Variants in DLG2 observed in about 807,000 individuals in gnomAD.
DLG2 encodes discs large MAGUK scaffold protein 2.
DLG2 carries 45 observed loss-of-function variants against 132.5 expected under a neutral mutation model. That is an observed-to-expected ratio of 0.34 (90% CI 0.27 to 0.44). The LOEUF (loss-of-function observed/expected upper bound fraction) is 0.44, where lower values mean the gene tolerates loss of function less well. Among genes scored for constraint, DLG2 ranks in the 20% least tolerant of loss-of-function variants. DLG2 has a pLI of 1.00. For synonymous variants in DLG2, 424 were observed against 419.6 expected, an observed-to-expected ratio of 1.01 and a Z score of -0.13; for missense variants, 1,045 against 1,196.9, an observed-to-expected ratio of 0.87 and a Z score of 1.87.
chr11:84,594,656 G>A (rs531134282), intron 6 of DLG2, among the ~76,000 whole-genome samples: 1 of 152,264 alleles, frequency 6.6e-6, no homozygotes, highest in African/African-American at 2.4e-5. Context: ...TAAATGGCAT[G>A]CAAAACAAAC....
chr11:84,209,932 A>G (rs2096729108), intron 8 of DLG2, among the ~76,000 whole-genome samples: 1 of 152,204 alleles, frequency 6.6e-6, no homozygotes. Flanking sequence ...TCTTCTTATA[A>G]CAGTTAAACA....
intron 18 of DLG2, among the ~76,000 whole-genome samples, chr11:83,756,496 C>G (rs150974433): frequency 1.6e-3 from 242 of 151,560 alleles, no homozygotes; most frequent in Non-Finnish European, 3.0e-3. Flanking sequence ...CAAGTCCTGG[C>G]TCTAAGGCCA....
intron 19 of DLG2, among the ~76,000 whole-genome samples, chr11:83,600,431 T>A (rs1326568915): frequency 6.6e-6 from 1 of 152,206 alleles, no homozygotes; most frequent in Non-Finnish European, 1.5e-5. Context: ...CATTCCTGAA[T>A]ATAAAAAATT....
At chr11:84,709,819 C>T (rs2060176762) in intron 6 of DLG2, among the ~76,000 whole-genome samples, 1 of 151,836 alleles carries the variant, frequency 6.6e-6, no homozygotes, top group African/African-American at 2.4e-5. Context: ...AGTGTTGGAC[C>T]ATAGAGATCA....
chr11:84,173,809 C>T (rs555327785), intron 8 of DLG2, among the ~76,000 whole-genome samples: 4 of 152,202 alleles, frequency 2.6e-5, no homozygotes, highest in African/African-American at 9.6e-5. Context: ...GGCTTTCATA[C>T]AGTATTTGGC....
At chr11:84,991,523 A>AAAAAAAAAAAAAAAG (rs1555331856) in intron 6 of DLG2, among the ~76,000 whole-genome samples, 2 of 116,328 alleles carry the variant, frequency 1.7e-5, no homozygotes, top group Non-Finnish European at 3.3e-5. Flanking sequence ...AAAAAAAAAA[A>AAAAAAAAAAAAAAAG]AAAGAAAGAA....
At chr11:83,541,559 A>G in intron 20 of DLG2, 123 bp downstream of exon 20, 1 of 894,948 alleles carries the variant, frequency 1.1e-6, no homozygotes, top group Non-Finnish European at 1.6e-6. Context: ...ATTTTCCTGC[A>G]GATTGACTAT....
intron 6 of DLG2, among the ~76,000 whole-genome samples, chr11:85,039,523 A>G (rs1241380167): frequency 2.6e-5 from 4 of 151,978 alleles, no homozygotes; most frequent in African/African-American, 7.2e-5. Flanking sequence ...CCTCATCTGT[A>G]CAAGGAGGAT....
At chr11:83,542,375 C>T (rs2096099934) in intron 19 of DLG2, among the ~76,000 whole-genome samples, 1 of 152,036 alleles carries the variant, frequency 6.6e-6, no homozygotes, top group Admixed American at 6.6e-5. Context: ...GGTGATTCCT[C>T]CACTCAATGA....
chr11:84,193,934 C>T (rs2096463534), intron 8 of DLG2, among the ~76,000 whole-genome samples: 2 of 152,152 alleles, frequency 1.3e-5, no homozygotes, highest in South Asian at 2.1e-4. Flanking sequence ...GAATCATCAA[C>T]ACATAGAGGA....
chr11:84,061,929 G>A (rs993826073), intron 10 of DLG2, among the ~76,000 whole-genome samples: 1 of 151,348 alleles, frequency 6.6e-6, no homozygotes, highest in Non-Finnish European at 1.5e-5. Flanking sequence ...CAGCTGCCCT[G>A]CAGCAGCTGG....
At chr11:85,503,953 G>C (rs1339843374) in intron 3 of DLG2, among the ~76,000 whole-genome samples, 1 of 151,102 alleles carries the variant, frequency 6.6e-6, no homozygotes, top group Admixed American at 6.6e-5. Flanking sequence ...GGAGGAGGAG[G>C]AGGGACAGTG....
chr11:84,388,795 C>T (rs574014044), intron 7 of DLG2, among the ~76,000 whole-genome samples: 22 of 152,128 alleles, frequency 1.4e-4, no homozygotes, highest in Non-Finnish European at 2.6e-4. Context: ...TTTATCTCTG[C>T]TACTAAAGAA....
At chr11:84,081,016 T>G (rs1468773983) in intron 10 of DLG2, among the ~76,000 whole-genome samples, 3 of 151,578 alleles carry the variant, frequency 2.0e-5, no homozygotes, top group African/African-American at 7.3e-5. Context: ...AAGGCATTTT[T>G]GCTTCTTTTT....
intron 3 of DLG2, among the ~76,000 whole-genome samples, chr11:85,456,976 T>C (rs1673533725): frequency 6.6e-6 from 1 of 152,188 alleles, no homozygotes; most frequent in South Asian, 2.1e-4. Flanking sequence ...GTTCAGGTCC[T>C]GAATATCTGT....
intron 18 of DLG2, among the ~76,000 whole-genome samples, chr11:83,657,830 G>T (rs758105827): frequency 6.6e-6 from 1 of 152,112 alleles, no homozygotes; most frequent in Non-Finnish European, 1.5e-5. Context: ...GTGAGCCACC[G>T]CGCCCAGCCT....
At chr11:85,528,763 T>C (rs566710971) in intron 3 of DLG2, among the ~76,000 whole-genome samples, 2 of 152,336 alleles carry the variant, frequency 1.3e-5, no homozygotes, top group Admixed American at 6.5e-5. Context: ...TTATCTGCTA[T>C]AGTTGTCTTG....
chr11:84,171,438 A>G lies in DLG2; in HGVS notation c.574-7927T>C, dbSNP rs775692478. ...CAAAGTCTCCAATGTTTATTATTCC[A>G]TACATTACATAGCTCCTACTTATAA... On this transcript the variant is annotated intron_variant, in intron 8 of 27. Coordinates refer to ENST00000376104, the MANE Select transcript of DLG2 (RefSeq NM_001142699.3). Among the ~76,000 whole-genome samples, 50 of 152,040 alleles carry G rather than the reference A, an allele frequency of 3.3e-4. 1 individual carries two copies. Among genetic ancestry groups the G allele is most frequent in the Non-Finnish European group, 5.9e-5 (4 of 68,006 alleles).
chr11:84,562,892 A>G (rs1319699699), intron 6 of DLG2, among the ~76,000 whole-genome samples: 1 of 152,044 alleles, frequency 6.6e-6, no homozygotes, highest in Non-Finnish European at 1.5e-5. Context: ...AGTTGGGACT[A>G]CAGGCATATG....
Sources: allele counts gnomAD v4.1 joint callset (sites outside exome capture counted in the v4.1 genomes callset), GRCh38; gene constraint gnomAD v4.1.1; transcripts MANE v1.5; gene names NCBI Gene and HGNC (gene_info 2026-07-23, HGNC 2026-07-21).